The following C8orf34 variants were observed in gnomAD, a reference collection of about 807,000 sequenced individuals.
C8orf34 encodes chromosome 8 open reading frame 34, also known as uncharacterized protein C8orf34.
In C8orf34, 65 loss-of-function variants were observed where a neutral mutation model predicts 68.3. That is an observed-to-expected ratio of 0.95 (90% CI 0.78 to 1.17). The LOEUF is 1.17. Ranked by LOEUF, C8orf34 falls within the 50% of genes most tolerant of loss-of-function variation. C8orf34 has a pLI of 0.00. For synonymous variants in C8orf34, 244 were observed against 241.2 expected (o/e 1.01, Z -0.11); for missense variants, 664 against 655.4 (o/e 1.01, Z -0.14).
At chr8:68,592,383 T>C (rs1044643535) in intron 7 of C8orf34, among the ~76,000 whole-genome samples, 2 of 152,086 alleles carry the variant, frequency 1.3e-5, no homozygotes, top group Admixed American at 1.3e-4. Flanking sequence ...TCCTGGATAT[T>C]GTATTGTTTG....
chr8:68,367,931 A>AAAAAAAAAAAAAAAAAAAAAAAAAAG (rs1807377491), intron 1 of C8orf34, among the ~76,000 whole-genome samples: 1 of 145,620 alleles, frequency 6.9e-6, no homozygotes, highest in Non-Finnish European at 1.5e-5. Flanking sequence ...AAAAAAAAAA[A>AAAAAAAAAAAAAAAAAAAAAAAAAAG]AAAAAAGAAA....
intron 7 of C8orf34, among the ~76,000 whole-genome samples, chr8:68,602,973 G>A (rs1397612934): frequency 6.6e-6 from 1 of 152,046 alleles, no homozygotes; most frequent in South Asian, 2.1e-4. Context: ...TGGCAGTTCT[G>A]GGTTCAAGGC....
intron 1 of C8orf34, among the ~76,000 whole-genome samples, chr8:68,354,287 T>C (rs982818209): frequency 1.3e-5 from 2 of 152,132 alleles, no homozygotes; most frequent in African/African-American, 2.4e-5. Flanking sequence ...CCAATTTTAT[T>C]TGAAAGATAA....
intron 1 of C8orf34, among the ~76,000 whole-genome samples, chr8:68,358,503 C>G (rs943274413): frequency 2.0e-4 from 30 of 151,740 alleles, no homozygotes; most frequent in African/African-American, 6.5e-4. Flanking sequence ...CACCACATCT[C>G]TCATCAGTCA....
chr8:68,456,616 C>G (rs537957193), intron 3 of C8orf34, among the ~76,000 whole-genome samples: 1 of 152,286 alleles, frequency 6.6e-6, no homozygotes, highest in Admixed American at 6.5e-5. Flanking sequence ...AGCACTTATA[C>G]AATTCAAACT....
intron 5 of C8orf34, among the ~76,000 whole-genome samples, chr8:68,509,140 T>C (rs1387157725): frequency 6.6e-6 from 1 of 152,102 alleles, no homozygotes; most frequent in African/African-American, 2.4e-5. Context: ...TAAAGACCAA[T>C]CTTAACTGCT....
At chr8:68,563,055 A>G (rs1244825985) in intron 7 of C8orf34, among the ~76,000 whole-genome samples, 4 of 152,166 alleles carry the variant, frequency 2.6e-5, no homozygotes, top group Non-Finnish European at 4.4e-5. Flanking sequence ...TGAATGCACC[A>G]TCTCAGGCTA....
intron 7 of C8orf34, among the ~76,000 whole-genome samples, chr8:68,609,266 C>T (rs1817943642): frequency 6.6e-6 from 1 of 152,216 alleles, no homozygotes; most frequent in Non-Finnish European, 1.5e-5. Flanking sequence ...CAATCCCTAA[C>T]TTCTGTGTTA....
intron 7 of C8orf34, among the ~76,000 whole-genome samples, chr8:68,600,814 T>C (rs1374413145): frequency 6.6e-6 from 1 of 152,186 alleles, no homozygotes; most frequent in Non-Finnish European, 1.5e-5. Flanking sequence ...AATATGTTAT[T>C]GTTAACCATA....
chr8:68,803,299 TA>T (rs34499219), intron 12 of C8orf34, among the ~76,000 whole-genome samples: 36,472 of 151,916 alleles, frequency 0.24, 4,765 homozygotes, highest in East Asian at 0.46. Flanking sequence ...TAAAGGGTAA[TA>T]CATCCCTACT....
At chr8:68,464,002 G>A (rs1811983763) in intron 3 of C8orf34, among the ~76,000 whole-genome samples, 1 of 152,080 alleles carries the variant, frequency 6.6e-6, no homozygotes, top group East Asian at 1.9e-4. Flanking sequence ...AAGTCAAATT[G>A]TCCCCATTTG....
At chr8:68,515,114 T>G (rs757248638) in intron 5 of C8orf34, among the ~76,000 whole-genome samples, 2 of 152,224 alleles carry the variant, frequency 1.3e-5, no homozygotes, top group Non-Finnish European at 2.9e-5. Flanking sequence ...ATGCTATATA[T>G]GTACATTTAA....
At chr8:68,638,938 G>A (rs1231905231) in intron 7 of C8orf34, among the ~76,000 whole-genome samples, 4 of 152,074 alleles carry the variant, frequency 2.6e-5, no homozygotes, top group Admixed American at 2.0e-4. Flanking sequence ...TCCTAACTGC[G>A]GTAGGGAAAT....
chr8:68,345,177 C>T (rs926507329), intron 1 of C8orf34, among the ~76,000 whole-genome samples: 4 of 151,794 alleles, frequency 2.6e-5, no homozygotes, highest in African/African-American at 9.7e-5. Flanking sequence ...GTATAAAAGA[C>T]ACACCAGGAA....
At chr8:68,410,107 G>A (rs973111294) in intron 1 of C8orf34, among the ~76,000 whole-genome samples, 7 of 152,240 alleles carry the variant, frequency 4.6e-5, no homozygotes, top group Non-Finnish European at 7.4e-5. Flanking sequence ...TAAGTGAGAC[G>A]TGACTGCATA....
At chr8:68,427,601 T>C (rs1212256637) in intron 1 of C8orf34, among the ~76,000 whole-genome samples, 3 of 152,036 alleles carry the variant, frequency 2.0e-5, no homozygotes, top group Non-Finnish European at 1.5e-5. Context: ...TGGATGATAG[T>C]ACAATTAATC....
intron 7 of C8orf34, among the ~76,000 whole-genome samples, chr8:68,596,564 C>T (rs114858002): frequency 6.0e-4 from 91 of 152,248 alleles, no homozygotes; most frequent in African/African-American, 2.1e-3. Flanking sequence ...CAGCAACAGC[C>T]ATAGCCAGAG....
intron 10 of C8orf34, among the ~76,000 whole-genome samples, chr8:68,733,585 G>A (rs1822044034): frequency 6.6e-6 from 1 of 151,748 alleles, no homozygotes; most frequent in Admixed American, 6.6e-5. Context: ...TTTTTTTTAA[G>A]AACAGGTTTA....
intron 5 of C8orf34, among the ~76,000 whole-genome samples, chr8:68,504,749 A>C (rs1464370269): frequency 1.3e-5 from 2 of 148,644 alleles, no homozygotes; most frequent in Non-Finnish European, 3.0e-5. Flanking sequence ...GTGTGATCTC[A>C]GCTCACTGCA....
Sources: allele counts gnomAD v4.1 joint callset (sites outside exome capture counted in the v4.1 genomes callset), GRCh38; gene constraint gnomAD v4.1.1; transcripts MANE v1.5; gene names NCBI Gene and HGNC (gene_info 2026-07-23, HGNC 2026-07-21).